The following BBS2 variants were observed in gnomAD, a reference collection of about 807,000 sequenced individuals.
BBS2 encodes Bardet-Biedl syndrome 2.
In BBS2, 62 loss-of-function variants were observed where a neutral mutation model predicts 83.0. The ratio of observed to expected loss-of-function variants is 0.75; its 90% CI spans 0.61 to 0.92. BBS2 has a LOEUF of 0.92. BBS2 is among the 40% of genes least tolerant of loss of function. The pLI, the probability that BBS2 is intolerant of heterozygous loss-of-function variation, is 0.00. For synonymous variants in BBS2, 303 were observed against 326.1 expected (o/e 0.93, Z 0.76); for missense variants, 784 against 901.0 (o/e 0.87, Z 1.66).
downstream of BBS2, among the ~76,000 whole-genome samples, chr16:56,480,376 A>AAAAAAAAAAAAAC (rs1555519799): frequency 1.4e-4 from 20 of 142,394 alleles, no homozygotes; most frequent in African/African-American, 5.2e-4. Flanking sequence ...CAAAAAAAAA[A>AAAAAAAAAAAAAC]ACAAAGCTTG....
In BBS2 at chr16:56,484,737, C is replaced by G; in HGVS notation, c.*24G>C. 6.2e-7 allele frequency: 1 copy of G among 1,601,130 alleles called. No individual in the cohort carries two copies. The highest frequency in any genetic ancestry group is 1.7e-5 in the Admixed American group (1 of 59,938). On this transcript the variant is annotated 3_prime_UTR_variant, in exon 17 of 17. Transcript: ENST00000245157. The stretch of plus-strand genomic sequence containing the variant: ...TTTAACAGAAAATCTTTGCCAGGAA[C>G]TTCATGACCTGTATTTTCCTCACCT...
At chr16:56,501,703 C>G (rs1964280905) in intron 9 of BBS2, 1 of 632,420 alleles carries the variant, frequency 1.6e-6, no homozygotes, top group South Asian at 1.9e-5. Context: ...ACCCTTGCAT[C>G]TTTCTATGGG....
intron 1 of BBS2, among the ~76,000 whole-genome samples, chr16:56,519,033 G>A (rs1178629255): frequency 3.3e-5 from 5 of 152,146 alleles, no homozygotes; most frequent in Non-Finnish European, 7.4e-5. Flanking sequence ...TCGTTGTTCG[G>A]TAAAGGACTG....
intron 17 of BBS2, chr16:56,477,931 G>A (rs1441139867): frequency 6.6e-6 from 1 of 152,102 alleles, no homozygotes; most frequent in East Asian, 1.9e-4. Flanking sequence ...GTTTCAAAAA[G>A]GTTTAATTCT....
intron 7 of BBS2, 58 bp downstream of exon 7, chr16:56,505,892 A>G: frequency 7.5e-7 from 1 of 1,340,250 alleles, no homozygotes; most frequent in Non-Finnish European, 1.1e-6. Flanking sequence ...CCTACAGCCA[A>G]TACACCTTGG....
intron 15 of BBS2, among the ~76,000 whole-genome samples, chr16:56,493,923 A>G (rs1272547389): frequency 5.3e-5 from 8 of 152,098 alleles, no homozygotes; most frequent in African/African-American, 1.9e-4. Context: ...CTGTAAAATG[A>G]AGCAAATAGT....
intron 15 of BBS2, among the ~76,000 whole-genome samples, chr16:56,494,428 A>T (rs1371755587): frequency 6.6e-6 from 1 of 152,058 alleles, no homozygotes; most frequent in Non-Finnish European, 1.5e-5. Context: ...ACAATAATCA[A>T]CCCAGTAGCA....
At chr16:56,475,450 A>G (rs1197959222) in intron 17 of BBS2, 1 of 1,484,612 alleles carries the variant, frequency 6.7e-7, no homozygotes, top group Non-Finnish European at 9.4e-7. Context: ...ATTTAAGTAG[A>G]TGGTGCGACT....
At chr16:56,473,989 A>G (rs1476139189) in intron 17 of BBS2, among the ~76,000 whole-genome samples, 1 of 152,086 alleles carries the variant, frequency 6.6e-6, no homozygotes, top group Non-Finnish European at 1.5e-5. Context: ...TCGTATTTTT[A>G]GTAGAAACGG....
chr16:56,483,366 G>A (rs1963692957), downstream of BBS2, among the ~76,000 whole-genome samples: 1 of 152,076 alleles, frequency 6.6e-6, no homozygotes, highest in African/African-American at 2.4e-5. Context: ...AAGCCCCACT[G>A]CCCTAAGACC....
intron 15 of BBS2, among the ~76,000 whole-genome samples, chr16:56,488,259 TC>T (rs1211211435): frequency 6.6e-6 from 1 of 152,092 alleles, no homozygotes; most frequent in Non-Finnish European, 1.5e-5. Context: ...CCAATTCCGT[TC>T]CGACACGATT....
At chr16:56,482,415 G>C (rs939542990), downstream of BBS2, among the ~76,000 whole-genome samples, 1 of 152,122 alleles carries the variant, frequency 6.6e-6, no homozygotes. Context: ...ACCCAGGCTA[G>C]AGTGCAGTGG....
intron 9 of BBS2, chr16:56,501,740 T>C: frequency 1.9e-6 from 1 of 535,212 alleles, no homozygotes; most frequent in Non-Finnish European, 3.3e-6. Context: ...CCATCATGAC[T>C]TTAACATTTT....
chr16:56,501,263 CAG>C, intron 10 of BBS2, 88 bp downstream of exon 10: 1 of 1,536,248 alleles, frequency 6.5e-7, no homozygotes, highest in Non-Finnish European at 8.9e-7. Context: ...TGAGCCAAGA[CAG>C]AGGAAGACTC....
chr16:56,476,705 C>T (rs1963494666), intron 17 of BBS2: 1 of 152,934 alleles, frequency 6.5e-6, no homozygotes, highest in African/African-American at 2.4e-5. Context: ...TCTCTATCAT[C>T]AACTTCACTA....
At chr16:56,473,412 G>T (rs1963296053) in intron 17 of BBS2, among the ~76,000 whole-genome samples, 1 of 152,120 alleles carries the variant, frequency 6.6e-6, no homozygotes, top group Non-Finnish European at 1.5e-5. Context: ...ATTTTTTCCA[G>T]TTCTTCACTG....
chr16:56,517,945 G>A (rs767728541), intron 1 of BBS2, among the ~76,000 whole-genome samples: 3 of 151,284 alleles, frequency 2.0e-5, no homozygotes, highest in East Asian at 1.9e-4. Context: ...TCAACCTCCC[G>A]AGTAGCTAGT....
intron 5 of BBS2, among the ~76,000 whole-genome samples, chr16:56,507,050 C>T (rs1316346400): frequency 6.6e-6 from 1 of 152,222 alleles, no homozygotes; most frequent in African/African-American, 2.4e-5. Context: ...AAACCACCCA[C>T]TTCACTTAAC....
rs1239727531 is a variant in BBS2, at chr16:56,500,863, T to A, written c.1388A>T (p.Tyr463Phe). ...VDLHLKAFVG[Y>F]RSSTQFHVFE... is the part of the protein sequence containing the mutation. ...ACTTGCAAAGGGTCACCTGCTTCTG[T>A]AACCCACGAATGCCTTCAAGTGCAG... The change falls in exon 11 of 17, where the codon TAC becomes TTC. Residue 463 changes from tyrosine (Y) to phenylalanine (F), a missense_variant. Physicochemically the swap from Tyr to Phe is conservative, Grantham distance 22. Transcript: ENST00000245157. The A allele has an allele frequency of 6.2e-7, 1 of 1,614,096 alleles. No individual in the cohort carries two copies. Among genetic ancestry groups the A allele is most frequent in the South Asian group, 1.1e-5 (1 of 91,084 alleles).
Sources: gnomAD v4.1 joint callset for allele counts (sites outside exome capture counted in the v4.1 genomes callset) on GRCh38, gnomAD v4.1.1 for gene constraint, MANE v1.5 for transcripts, NCBI Gene and HGNC (gene_info 2026-07-23, HGNC 2026-07-21) for gene names.